Variants in EXOC4 observed in about 807,000 individuals in gnomAD.
The protein encoded by EXOC4 is SEC8-like 1.
In EXOC4, 71 loss-of-function variants were observed where a neutral mutation model predicts 107.2. The observed-to-expected ratio is 0.66, with a 90% confidence interval of 0.55 to 0.81. The LOEUF (loss-of-function observed/expected upper bound fraction) is 0.81, where lower values mean the gene tolerates loss of function less well. Ranked by LOEUF, EXOC4 falls within the 30% of genes least tolerant of loss-of-function variation. The probability of loss-of-function intolerance (pLI) is 0.00; values close to 1 mark genes in which losing one functional copy is unlikely to be tolerated. For missense variants in EXOC4, 1,108 were observed against 1,189.6 expected, an observed-to-expected ratio of 0.93 and a Z score of 1.01; for synonymous variants, 456 against 441.2, an observed-to-expected ratio of 1.03 and a Z score of -0.42.
At chr7:133,838,716 G>A (rs1797967511) in intron 11 of EXOC4, among the ~76,000 whole-genome samples, 1 of 152,206 alleles carries the variant, frequency 6.6e-6, no homozygotes, top group South Asian at 2.1e-4. Context: ...TGTAGACCAG[G>A]AGTCAGCAAA....
intron 2 of EXOC4, among the ~76,000 whole-genome samples, 196 bp downstream of exon 2, chr7:133,275,367 C>T (rs962906233): frequency 3.3e-5 from 5 of 152,086 alleles, no homozygotes; most frequent in Non-Finnish European, 7.4e-5. Flanking sequence ...TTTCTCCCCT[C>T]CCCTGTGTCT....
intron 11 of EXOC4, among the ~76,000 whole-genome samples, chr7:133,831,878 C>G (rs1797818861): frequency 6.6e-6 from 1 of 152,134 alleles, no homozygotes; most frequent in Non-Finnish European, 1.5e-5. Flanking sequence ...AAAACGAGTT[C>G]ATACTGATGT....
intron 7 of EXOC4, among the ~76,000 whole-genome samples, chr7:133,449,023 G>A (rs946060206): frequency 3.4e-4 from 52 of 152,136 alleles, no homozygotes; most frequent in Non-Finnish European, 2.9e-5. Context: ...CATTAGAATC[G>A]CTTGAATCTG....
intron 13 of EXOC4, among the ~76,000 whole-genome samples, chr7:133,925,295 A>T (rs2116671455): frequency 6.6e-6 from 1 of 152,334 alleles, no homozygotes; most frequent in South Asian, 2.1e-4. Context: ...CTTTGAATGG[A>T]GAGAGGAAAA....
At chr7:133,445,643 C>CAAACAAACAAAT (rs1221681322) in intron 7 of EXOC4, among the ~76,000 whole-genome samples, 3 of 151,762 alleles carry the variant, frequency 2.0e-5, no homozygotes, top group Non-Finnish European at 4.4e-5. Flanking sequence ...AACAAACAAA[C>CAAACAAACAAAT]AAATAAATCA....
chr7:134,023,920 G>C (rs547538055), intron 17 of EXOC4, among the ~76,000 whole-genome samples: 1 of 152,304 alleles, frequency 6.6e-6, no homozygotes, highest in Admixed American at 6.5e-5. Context: ...CCTAAGGCCT[G>C]TCTAGGAATG....
At chr7:133,550,513 T>C (rs1800564928) in intron 9 of EXOC4, among the ~76,000 whole-genome samples, 1 of 152,308 alleles carries the variant, frequency 6.6e-6, no homozygotes, top group Admixed American at 6.5e-5. Flanking sequence ...AGAGCAAATC[T>C]AGCATTTAAT....
chr7:133,799,388 T>C (rs1333322909), intron 10 of EXOC4, among the ~76,000 whole-genome samples: 2 of 152,210 alleles, frequency 1.3e-5, no homozygotes, highest in African/African-American at 4.8e-5. Flanking sequence ...GTGGGACACA[T>C]TCTCATCGAG....
At chr7:134,046,343 G>A (rs1328063761) in intron 17 of EXOC4, among the ~76,000 whole-genome samples, 7 of 151,924 alleles carry the variant, frequency 4.6e-5, no homozygotes, top group African/African-American at 1.7e-4. Context: ...TTAGTCAGGC[G>A]TGGGTAGTCC....
intron 5 of EXOC4, among the ~76,000 whole-genome samples, chr7:133,341,915 A>T (rs917298446): frequency 2.6e-5 from 4 of 152,054 alleles, no homozygotes; most frequent in African/African-American, 9.7e-5. Context: ...CCTTAGATTT[A>T]TGTGAGTTCT....
intron 9 of EXOC4, among the ~76,000 whole-genome samples, chr7:133,541,303 G>GAATATTGGTC (rs1482663126): frequency 1.3e-5 from 2 of 152,076 alleles, no homozygotes; most frequent in African/African-American, 4.8e-5. Context: ...TTTCACGTTT[G>GAATATTGGTC]AATATTGGTC....
At chr7:133,463,367 T>C (rs981984929) in intron 7 of EXOC4, among the ~76,000 whole-genome samples, 1 of 152,236 alleles carries the variant, frequency 6.6e-6, no homozygotes, top group East Asian at 1.9e-4. Context: ...GTTGGACCCA[T>C]GTTTTAGCAT....
rs549904260 is a variant in EXOC4 at position 133,756,455 on chromosome 7, G to A, written c.1515-60870G>A. ...TCTGTAAGATTATCTCAAAAGTCCT[G>A]TTAAGCTGTAACTAGTCTGTGACTC... is the stretch of plus-strand genomic sequence containing the variant. On this transcript the variant is annotated intron_variant, in intron 10 of 17. Coordinates refer to ENST00000253861, the MANE Select transcript of EXOC4 (RefSeq NM_021807.4). Among the ~76,000 whole-genome samples, 31 of 152,288 alleles carry A rather than the reference G, an allele frequency of 2.0e-4. No homozygotes were observed. The South Asian group carries it at 6.2e-3, about 31-fold the overall frequency.
chr7:133,759,144 A>ATTTT (rs34768347), intron 10 of EXOC4, among the ~76,000 whole-genome samples: 11 of 140,628 alleles, frequency 7.8e-5, no homozygotes, highest in Non-Finnish European at 7.7e-5. Flanking sequence ...CAACAAAAGA[A>ATTTT]TTTTTTTTTT....
intron 7 of EXOC4, among the ~76,000 whole-genome samples, chr7:133,456,789 TGTG>T (rs1798472444): frequency 6.6e-6 from 1 of 152,186 alleles, no homozygotes; most frequent in South Asian, 2.1e-4. Flanking sequence ...CGAAGATACT[TGTG>T]GTGTGTAGCA....
At chr7:133,267,788 T>A (rs374774156) in intron 1 of EXOC4, among the ~76,000 whole-genome samples, 4 of 152,352 alleles carry the variant, frequency 2.6e-5, no homozygotes, top group African/African-American at 9.6e-5. Context: ...ATGCATTTCA[T>A]GTGAGACAAT....
chr7:133,635,087 CTTCTT>C (rs2151019374), intron 10 of EXOC4, among the ~76,000 whole-genome samples: 1 of 152,154 alleles, frequency 6.6e-6, no homozygotes, highest in African/African-American at 2.4e-5. Flanking sequence ...CATTATTTCT[CTTCTT>C]TTGTGTAGTT....
chr7:133,647,555 C>T (rs111511383), intron 10 of EXOC4, among the ~76,000 whole-genome samples: 241 of 152,138 alleles, frequency 1.6e-3, no homozygotes, highest in African/African-American at 5.4e-3. Flanking sequence ...TAGGATCAAA[C>T]CTAGACAGAA....
chr7:133,720,785 G>A (rs1051125547), intron 10 of EXOC4, among the ~76,000 whole-genome samples: 5 of 152,126 alleles, frequency 3.3e-5, no homozygotes, highest in Non-Finnish European at 7.4e-5. Context: ...TGTAGAAAAT[G>A]AATATTCCAG....
Sources: gnomAD v4.1 joint callset for allele counts (sites outside exome capture counted in the v4.1 genomes callset) on GRCh38, gnomAD v4.1.1 for gene constraint, MANE v1.5 for transcripts, NCBI Gene and HGNC (gene_info 2026-07-23, HGNC 2026-07-21) for gene names.